SLC4A10: variants seen among roughly 807,000 people sequenced by gnomAD.
The protein encoded by SLC4A10 is solute carrier family 4 member 10.
SLC4A10 carries 42 observed loss-of-function variants against 137.7 expected under a neutral mutation model. The observed-to-expected ratio is 0.30, with a 90% CI of 0.24 to 0.39. The LOEUF is 0.39. SLC4A10 is among the 10% of genes least tolerant of loss of function. SLC4A10 has a pLI of 1.00. For missense variants in SLC4A10, 925 were observed against 1,355.0 expected (o/e 0.68, Z 4.98); for synonymous variants, 474 against 464.1 (o/e 1.02, Z -0.27).
chr2:161,740,266 C>A (rs2047747604), intron 1 of SLC4A10, among the ~76,000 whole-genome samples: 1 of 152,170 alleles, frequency 6.6e-6, no homozygotes, highest in South Asian at 2.1e-4. Flanking sequence ...ACTGTAGAAT[C>A]CATCAGCTCC....
chr2:161,631,367 C>T (rs187791471), intron 1 of SLC4A10, among the ~76,000 whole-genome samples: 4 of 151,286 alleles, frequency 2.6e-5, no homozygotes, highest in Admixed American at 6.6e-5. Flanking sequence ...AGGAGAAGGC[C>T]GAGTATCCAA....
chr2:161,817,323 G>C, intron 3 of SLC4A10, among the ~76,000 whole-genome samples: 1 of 152,064 alleles, frequency 6.6e-6, no homozygotes, highest in East Asian at 1.9e-4. Context: ...TTTTTGATGG[G>C]ACTGTTTGTT....
At chr2:161,894,107 C>T (rs2063201535) in intron 10 of SLC4A10, among the ~76,000 whole-genome samples, 1 of 151,948 alleles carries the variant, frequency 6.6e-6, no homozygotes, top group South Asian at 2.1e-4. Context: ...GCAAATACCA[C>T]TCCATTTTAT....
intron 1 of SLC4A10, among the ~76,000 whole-genome samples, chr2:161,684,239 A>G (rs2041160951): frequency 6.6e-6 from 1 of 152,226 alleles, no homozygotes; most frequent in Non-Finnish European, 1.5e-5. Flanking sequence ...TTAAGGCTGA[A>G]TAACATTCCA....
At chr2:161,632,248 A>C (rs899673222) in intron 1 of SLC4A10, among the ~76,000 whole-genome samples, 1 of 151,718 alleles carries the variant, frequency 6.6e-6, no homozygotes, top group Non-Finnish European at 1.5e-5. Context: ...ACCAGATGGG[A>C]TCAAAACATA....
intron 1 of SLC4A10, among the ~76,000 whole-genome samples, chr2:161,685,047 A>C (rs1003127940): frequency 6.6e-6 from 1 of 152,166 alleles, no homozygotes; most frequent in African/African-American, 2.4e-5. Context: ...GCCTAACAGT[A>C]GGCATTGATT....
chr2:161,903,899 T>C lies in SLC4A10; in HGVS notation c.1443-105T>C, dbSNP rs757043677. The C allele has an allele frequency of 7.7e-6, 9 of 1,164,328 alleles. 1 individual carries two copies. In the South Asian group the frequency reaches 9.8e-5, roughly 13 times the overall value. 72.1% of individuals were successfully genotyped at this position (1,164,328 alleles called of 1,614,324 possible). On this transcript the variant is annotated intron_variant, in intron 12 of 26. Coordinates refer to ENST00000446997, the MANE Select transcript of SLC4A10 (RefSeq NM_001178015.2). Reference sequence around the variant, plus strand: ...AGGTTAATGTGTGTCTCACCTCTGCTGATGGAAAACGTATACTGTGACCTG... The same window carrying C: ...AGGTTAATGTGTGTCTCACCTCTGCCGATGGAAAACGTATACTGTGACCTG...
chr2:161,727,207 C>A (rs1287895664), intron 1 of SLC4A10, among the ~76,000 whole-genome samples: 1 of 152,182 alleles, frequency 6.6e-6, no homozygotes, highest in African/African-American at 2.4e-5. Context: ...AGCTGGCAGC[C>A]AGGCCTTCAG....
At chr2:161,630,615 T>C (rs1219865410) in intron 1 of SLC4A10, among the ~76,000 whole-genome samples, 1 of 151,756 alleles carries the variant, frequency 6.6e-6, no homozygotes, top group African/African-American at 2.4e-5. Flanking sequence ...CCAAATCTCT[T>C]GATTATTCAT....
At chr2:161,846,488 T>A (rs4455163) in intron 4 of SLC4A10, among the ~76,000 whole-genome samples, 9,243 of 152,168 alleles carry the variant, frequency 0.061, 369 homozygotes, top group East Asian at 0.13. Context: ...TATCCCAGAG[T>A]AATGAAAACA....
chr2:161,860,796 C>T (rs1335759372), intron 5 of SLC4A10, among the ~76,000 whole-genome samples: 1 of 152,170 alleles, frequency 6.6e-6, no homozygotes, highest in Non-Finnish European at 1.5e-5. Context: ...CTACCTCTTT[C>T]CATTGTAAAC....
At chr2:161,650,531 C>T (rs180989437) in intron 1 of SLC4A10, among the ~76,000 whole-genome samples, 72 of 152,036 alleles carry the variant, frequency 4.7e-4, no homozygotes, top group Admixed American at 1.6e-3. Flanking sequence ...TGTGCAGCTG[C>T]AGCAGCCTAG....
chr2:161,784,627 T>TC (rs1170678285), intron 2 of SLC4A10, among the ~76,000 whole-genome samples: 1 of 151,718 alleles, frequency 6.6e-6, no homozygotes, highest in African/African-American at 2.4e-5. Context: ...ATGTGGACAT[T>TC]AAACAAAACA....
chr2:161,905,685 C>T lies in SLC4A10; in HGVS notation c.1795C>T (p.Leu599Phe). ...SYLSLRASIG[L>F]WTATLCIILV... is the part of the protein sequence containing the mutation. ...CCTATCTTTAAGAGCTAGCATTGGACTTTGGACTGCAACTCTATGTATCAT... is the reference window on the plus strand; with the variant it reads ...CCTATCTTTAAGAGCTAGCATTGGATTTTGGACTGCAACTCTATGTATCAT... The change falls in exon 15 of 27, where the codon CTT (leucine) becomes TTT (phenylalanine). Residue 599 changes from leucine to phenylalanine, a missense_variant. Transcript: ENST00000446997. 1 of 1,613,652 alleles carries T rather than the reference C, an allele frequency of 6.2e-7. No individual in the cohort carries two copies. The highest frequency in any genetic ancestry group is 8.5e-7 in the Non-Finnish European group (1 of 1,179,734).
intron 3 of SLC4A10, among the ~76,000 whole-genome samples, chr2:161,805,895 C>T (rs973610383): frequency 4.6e-5 from 7 of 152,208 alleles, no homozygotes; most frequent in African/African-American, 1.4e-4. Context: ...CCAGTAGGGA[C>T]TCTGTGGGGG....
chr2:161,923,078 T>G (rs1688433389), intron 15 of SLC4A10, among the ~76,000 whole-genome samples: 1 of 152,182 alleles, frequency 6.6e-6, no homozygotes, highest in African/African-American at 2.4e-5. Flanking sequence ...CAGGCTCTTC[T>G]TGTGTAAGGA....
At chr2:161,964,005 C>T (rs1313429871) in intron 21 of SLC4A10, 130 bp from the exon 22 acceptor site, 5 of 649,210 alleles carry the variant, frequency 7.7e-6, no homozygotes, top group African/African-American at 3.7e-5. Flanking sequence ...GTCTTGATGC[C>T]GAGATATCAA....
chr2:161,735,324 C>T (rs1379506303), intron 1 of SLC4A10, among the ~76,000 whole-genome samples: 6 of 151,438 alleles, frequency 4.0e-5, no homozygotes, highest in Non-Finnish European at 5.9e-5. Flanking sequence ...ATTAGCAAAT[C>T]TAAATATATT....
chr2:161,908,611 C>A (rs1307605095), intron 15 of SLC4A10, among the ~76,000 whole-genome samples: 4 of 143,908 alleles, frequency 2.8e-5, no homozygotes, highest in South Asian at 2.2e-4. Flanking sequence ...AAAAAAAAAA[C>A]AACTGGTATT....
Sources: allele counts gnomAD v4.1 joint callset (sites outside exome capture counted in the v4.1 genomes callset), GRCh38; gene constraint gnomAD v4.1.1; transcripts MANE v1.5; gene names NCBI Gene and HGNC (gene_info 2026-07-23, HGNC 2026-07-21).